DGKH: variants seen among roughly 807,000 people sequenced by gnomAD.
DGKH encodes the protein DAG kinase eta.
In DGKH, 90 loss-of-function variants were observed where a neutral mutation model predicts 159.3. The ratio of observed to expected loss-of-function variants is 0.57; its 90% CI spans 0.48 to 0.67. The LOEUF (loss-of-function observed/expected upper bound fraction) is 0.67. DGKH is among the 30% of genes least tolerant of loss of function. The probability of loss-of-function intolerance (pLI) is 0.00; values close to 1 mark genes in which losing one functional copy is unlikely to be tolerated. For missense variants in DGKH, 1,181 were observed against 1,506.1 expected (o/e 0.78, Z 3.57); for synonymous variants, 536 against 553.8 (o/e 0.97, Z 0.45).
At chr13:42,156,284 C>T (rs1476679074) in intron 5 of DGKH, among the ~76,000 whole-genome samples, 2 of 152,022 alleles carry the variant, frequency 1.3e-5, no homozygotes, top group African/African-American at 4.8e-5. Flanking sequence ...ACTCTGTCAC[C>T]CATCCTGGAA....
At chr13:42,203,653 T>C (rs1358025712) in intron 20 of DGKH, among the ~76,000 whole-genome samples, 1 of 152,144 alleles carries the variant, frequency 6.6e-6, no homozygotes, top group East Asian at 1.9e-4. Flanking sequence ...TGCAACATCA[T>C]GAACCACAAA....
chr13:42,198,115 C>T (rs1029910890), intron 17 of DGKH, among the ~76,000 whole-genome samples: 6 of 152,078 alleles, frequency 3.9e-5, no homozygotes, highest in Non-Finnish European at 8.8e-5. Context: ...TTGGGTAATT[C>T]CGCCTTTATT....
chr13:42,245,082 G>A (rs945138201), downstream of DGKH, among the ~76,000 whole-genome samples: 1 of 152,108 alleles, frequency 6.6e-6, no homozygotes, highest in East Asian at 1.9e-4. Flanking sequence ...AAATGAAGTT[G>A]GACTTAAGAA....
In DGKH at chr13:42,155,380, C is replaced by G. The variant is rs149168750; in HGVS notation, c.474C>G (p.Thr158=). The change falls in exon 4 of 30, where the codon ACC becomes ACG. Residue 158 remains threonine, a synonymous_variant. Coordinates refer to ENST00000337343, the MANE Select transcript of DGKH (RefSeq NM_178009.5). The part of the protein sequence containing the change: ...DWISSLKSVQ[T]REPYEVAQFN... The stretch of plus-strand genomic sequence containing the variant: ...TCAGCTCACTGAAGTCTGTACAGAC[C>G]AGAGAACCCTACGAGGTAAAATAGC... The G allele has an allele frequency of 6.3e-5, 101 of 1,609,580 alleles. No individual in the cohort carries two copies. Among genetic ancestry groups the G allele is most frequent in the Middle Eastern group, 1.6e-4 (1 of 6,070 alleles).
intron 12 of DGKH, among the ~76,000 whole-genome samples, chr13:42,175,024 AT>A: frequency 6.6e-6 from 1 of 152,360 alleles, no homozygotes; most frequent in East Asian, 1.9e-4. Context: ...AGCGGTGTAG[AT>A]TTAAAACAGA....
chr13:42,215,705 A>ATTAAATG (rs1425864094), intron 26 of DGKH, 38 bp downstream of exon 26: 19 of 1,552,094 alleles, frequency 1.2e-5, no homozygotes, highest in Non-Finnish European at 1.6e-5. Context: ...AGAATGATGA[A>ATTAAATG]TTAAATGTCT....
chr13:42,137,669 C>T (rs1389599184), intron 3 of DGKH, among the ~76,000 whole-genome samples: 1 of 152,164 alleles, frequency 6.6e-6, no homozygotes, highest in African/African-American at 2.4e-5. Context: ...AGATGAATAG[C>T]AAGCACTTGC....
At chr13:42,109,543 G>C (rs147735070) in intron 1 of DGKH, among the ~76,000 whole-genome samples, 266 of 152,218 alleles carry the variant, frequency 1.7e-3, no homozygotes, top group Non-Finnish European at 3.0e-3. Flanking sequence ...AATATAGAAA[G>C]ATCTCAAAGG....
intron 1 of DGKH, among the ~76,000 whole-genome samples, chr13:42,120,735 G>A (rs1470126344): frequency 1.3e-5 from 2 of 152,134 alleles, no homozygotes; most frequent in African/African-American, 4.8e-5. Context: ...ACTGTTATAT[G>A]GAGGCTGTAA....
intron 1 of DGKH, among the ~76,000 whole-genome samples, chr13:42,087,584 A>T (rs2137736879): frequency 6.6e-6 from 1 of 152,322 alleles, no homozygotes; most frequent in Admixed American, 6.5e-5. Context: ...AGGATTCATA[A>T]AGGACTCAGA....
At chr13:42,173,950 T>TGTGTGTGTGTGCGTGC (rs2138041882) in intron 11 of DGKH, 110 bp from the exon 12 acceptor site, 1 of 633,428 alleles carries the variant, frequency 1.6e-6, no homozygotes, top group East Asian at 2.8e-5. Flanking sequence ...AATGTGTGTG[T>TGTGTGTGTGTGCGTGC]GTGTGTGTGC....
chr13:42,224,350 C>T (rs1318975368), intron 29 of DGKH, among the ~76,000 whole-genome samples: 1 of 152,182 alleles, frequency 6.6e-6, no homozygotes, highest in Non-Finnish European at 1.5e-5. Flanking sequence ...CCATCTTCCC[C>T]TAACCCATCA....
chr13:42,189,727 C>T (rs28413502), intron 15 of DGKH, among the ~76,000 whole-genome samples: 37,231 of 152,068 alleles, frequency 0.24, 5,193 homozygotes, highest in Non-Finnish European at 0.32. Flanking sequence ...AGTACAGTGG[C>T]GTGATCTCAG....
In DGKH at chr13:42,179,856, T is replaced by C. The variant is rs570421887; in HGVS notation, c.1538+1636T>C. Among the ~76,000 whole-genome samples the C allele has an allele frequency of 2.0e-5, 3 of 151,990 alleles. No homozygotes were observed. In the South Asian group the frequency reaches 6.2e-4, roughly 32 times the overall value. On this transcript the variant is annotated intron_variant, in intron 13 of 29. Transcript: ENST00000337343. ...ATGTTGTACTACAAAGGTGTTAAGATTAAGAATGATAGGGAGAAAAAGGGG... is the reference window on the plus strand; with the variant it reads ...ATGTTGTACTACAAAGGTGTTAAGACTAAGAATGATAGGGAGAAAAAGGGG...
At chr13:42,051,016 C>T (rs751045819) in intron 1 of DGKH, among the ~76,000 whole-genome samples, 23 of 152,158 alleles carry the variant, frequency 1.5e-4, no homozygotes, top group South Asian at 4.1e-4. Flanking sequence ...TGTCAAACAA[C>T]AAATTTGTTG....
chr13:42,061,504 T>C (rs1275967741), intron 1 of DGKH, among the ~76,000 whole-genome samples: 4 of 152,260 alleles, frequency 2.6e-5, no homozygotes, highest in South Asian at 2.1e-4. Flanking sequence ...CATTATGATA[T>C]ACTGTCCCTT....
chr13:42,098,611 T>C (rs1954592623), intron 1 of DGKH, among the ~76,000 whole-genome samples: 1 of 152,240 alleles, frequency 6.6e-6, no homozygotes, highest in Non-Finnish European at 1.5e-5. Flanking sequence ...AAGTATATGA[T>C]TCTTCAAGTT....
At chr13:42,211,323 A>T (rs1957653068) in intron 24 of DGKH, among the ~76,000 whole-genome samples, 1 of 152,182 alleles carries the variant, frequency 6.6e-6, no homozygotes, top group Non-Finnish European at 1.5e-5. Flanking sequence ...GACTCTAGGG[A>T]TGAGTCCTAT....
chr13:42,095,973 T>C (rs1954523730), intron 1 of DGKH, among the ~76,000 whole-genome samples: 1 of 152,248 alleles, frequency 6.6e-6, no homozygotes, highest in South Asian at 2.1e-4. Context: ...TGCTTGTTAT[T>C]TTCTTAATAG....
Sources: allele counts gnomAD v4.1 joint callset (sites outside exome capture counted in the v4.1 genomes callset), GRCh38; gene constraint gnomAD v4.1.1; transcripts MANE v1.5; gene names NCBI Gene and HGNC (gene_info 2026-07-23, HGNC 2026-07-21).